Variants in ZNF611 observed in about 807,000 individuals in gnomAD.
ZNF611 encodes zinc finger protein 611.
ZNF611 carries 6 observed loss-of-function variants against 8.9 expected under a neutral mutation model. The observed-to-expected ratio is 0.68, with a 90% CI of 0.37 to 1.34. The LOEUF (loss-of-function observed/expected upper bound fraction) is 1.34, where lower values mean the gene tolerates loss of function less well. ZNF611 is among the 40% of genes most tolerant of loss of function. The pLI, the probability that ZNF611 is intolerant of heterozygous loss-of-function variation, is 0.02. For missense variants in ZNF611, 874 were observed against 841.3 expected (o/e 1.04, Z -0.48); for synonymous variants, 262 against 279.7 (o/e 0.94, Z 0.63).
chr19:52,725,260 G>A (rs1180500891), intron 3 of ZNF611, among the ~76,000 whole-genome samples: 2 of 152,172 alleles, frequency 1.3e-5, no homozygotes, highest in Non-Finnish European at 2.9e-5. Flanking sequence ...GGCCCGGCAC[G>A]AGGAGGGACA....
At chr19:52,719,910 C>G (rs368956618) in intron 3 of ZNF611, among the ~76,000 whole-genome samples, 1 of 152,230 alleles carries the variant, frequency 6.6e-6, no homozygotes, top group South Asian at 2.1e-4. Context: ...GCAGAGGTCC[C>G]TGCGGCCTTC....
chr19:52,707,771 A>C (rs10423159), intron 5 of ZNF611, among the ~76,000 whole-genome samples: 56,056 of 151,322 alleles, frequency 0.37, 10,515 homozygotes, highest in East Asian at 0.39. Context: ...AGTAGCTTGG[A>C]CTACAGGCAT....
intron 5 of ZNF611, among the ~76,000 whole-genome samples, chr19:52,709,681 C>T (rs926114266): frequency 2.6e-5 from 4 of 152,088 alleles, no homozygotes; most frequent in African/African-American, 4.8e-5. Context: ...GATTCTCCTG[C>T]CTCAGCCACC....
intron 1 of ZNF611, 135 bp from the exon 2 acceptor site, chr19:52,730,140 T>A (rs553819981): frequency 5.4e-4 from 82 of 152,176 alleles, no homozygotes; most frequent in African/African-American, 2.0e-3. Context: ...AAGCCTGTAA[T>A]CCCAGCACTT....
intron 2 of ZNF611, among the ~76,000 whole-genome samples, chr19:52,729,140 CAT>C (rs1476340247): frequency 6.6e-6 from 1 of 152,046 alleles, no homozygotes; most frequent in Non-Finnish European, 1.5e-5. Context: ...TTGCAAAAAA[CAT>C]ATCACTGTCA....
At chr19:52,715,098 C>T (rs1206573498) in intron 4 of ZNF611, among the ~76,000 whole-genome samples, 1 of 152,172 alleles carries the variant, frequency 6.6e-6, no homozygotes, top group Non-Finnish European at 1.5e-5. Context: ...GATATTAAGT[C>T]TCTAGATGAG....
intron 5 of ZNF611, among the ~76,000 whole-genome samples, chr19:52,707,721 G>GC (rs1248533937): frequency 6.6e-6 from 1 of 151,844 alleles, no homozygotes; most frequent in African/African-American, 2.4e-5. Flanking sequence ...TGCAGCCTCT[G>GC]CCTCCTGGGT....
At chr19:52,715,547 G>A (rs1458557832) in intron 4 of ZNF611, among the ~76,000 whole-genome samples, 1 of 152,206 alleles carries the variant, frequency 6.6e-6, no homozygotes, top group Non-Finnish European at 1.5e-5. Context: ...AACCCAGGCT[G>A]CCCAGCAGCA....
intron 5 of ZNF611, among the ~76,000 whole-genome samples, chr19:52,711,004 G>C (rs556549062): frequency 1.0e-4 from 15 of 149,316 alleles, no homozygotes; most frequent in African/African-American, 3.7e-4. Flanking sequence ...CTGCAGTCCA[G>C]CCTGGGCAAC....
chr19:52,711,962 C>T (rs2147423735), intron 5 of ZNF611, among the ~76,000 whole-genome samples: 1 of 151,182 alleles, frequency 6.6e-6, no homozygotes, highest in Middle Eastern at 3.4e-3. Flanking sequence ...TATAATTCCA[C>T]CAAGATAGAC....
chr19:52,715,975 A>C, intron 3 of ZNF611, 62 bp from the exon 4 acceptor site: 1 of 1,582,470 alleles, frequency 6.3e-7, no homozygotes, highest in Middle Eastern at 1.7e-4. Context: ...CTGTGACAAA[A>C]ACACACGAAC....
At chr19:52,715,574 C>T (rs2147429108) in intron 4 of ZNF611, among the ~76,000 whole-genome samples, 1 of 152,276 alleles carries the variant, frequency 6.6e-6, no homozygotes, top group East Asian at 1.9e-4. Context: ...TCAACGGGCT[C>T]ACACCCCATG....
chr19:52,734,074 G>A (rs11084189), intron 1 of ZNF611, among the ~76,000 whole-genome samples: 96,085 of 151,122 alleles, frequency 0.64, 30,802 homozygotes, highest in African/African-American at 0.72. Context: ...TCACTCTGAT[G>A]AGTCTCCCTC....
In ZNF611 at chr19:52,704,777, G is replaced by T. The variant is rs1475695611; in HGVS notation, c.*160C>A. On this transcript the variant is annotated 3_prime_UTR_variant, in exon 6 of 6. Coordinates refer to ENST00000652185, the MANE Select transcript of ZNF611 (RefSeq NM_001161499.2). ...TTGCCACACTCATTACACTTGTAAG[G>T]TTTCTCTCCAGTGTGAAGTCCAGTA... 5.0e-6 allele frequency: 8 copies of T among 1,593,436 alleles called. No homozygotes were observed. Among genetic ancestry groups the T allele is most frequent in the South Asian group, 1.1e-5 (1 of 90,450 alleles).
intron 4 of ZNF611, among the ~76,000 whole-genome samples, chr19:52,714,913 G>A (rs1322306660): frequency 6.7e-6 from 1 of 150,312 alleles, no homozygotes; most frequent in Non-Finnish European, 1.5e-5. Context: ...CAGGAGGATC[G>A]CTTGAATCCG....
chr19:52,730,420 A>G, intron 1 of ZNF611, among the ~76,000 whole-genome samples: 1 of 137,166 alleles, frequency 7.3e-6, no homozygotes, highest in South Asian at 2.3e-4. Flanking sequence ...AAAAAAAAAA[A>G]AAAACATGAT....
chr19:52,713,914 A>G (rs2062297108), intron 5 of ZNF611, 101 bp downstream of exon 5: 2 of 1,568,052 alleles, frequency 1.3e-6, no homozygotes, highest in African/African-American at 1.4e-5. Context: ...CAAAAAACAA[A>G]ACCCATGTAT....
At chr19:52,718,720 C>T (rs2062334492) in intron 3 of ZNF611, among the ~76,000 whole-genome samples, 1 of 152,098 alleles carries the variant, frequency 6.6e-6, no homozygotes. Context: ...ATCACTTGAA[C>T]TCCAGAGGCG....
intron 3 of ZNF611, among the ~76,000 whole-genome samples, chr19:52,717,146 T>C (rs1402441219): frequency 5.3e-5 from 8 of 152,168 alleles, no homozygotes; most frequent in African/African-American, 1.7e-4. Flanking sequence ...GTTGTCCCAC[T>C]TTCCCAGACC....
Sources: allele counts gnomAD v4.1 joint callset (sites outside exome capture counted in the v4.1 genomes callset), GRCh38; gene constraint gnomAD v4.1.1; transcripts MANE v1.5; gene names NCBI Gene and HGNC (gene_info 2026-07-23, HGNC 2026-07-21).